TRIO: variants seen among roughly 807,000 people sequenced by gnomAD.
The protein encoded by TRIO is trio Rho guanine nucleotide exchange factor.
TRIO carries 58 observed loss-of-function variants against 351.9 expected under a neutral mutation model. That is an observed-to-expected ratio of 0.16 (90% confidence interval 0.13 to 0.21). The LOEUF (loss-of-function observed/expected upper bound fraction) is 0.21, where lower values mean the gene tolerates loss of function less well. Among genes scored for constraint, TRIO ranks in the 10% least tolerant of loss-of-function variants. TRIO has a pLI of 1.00. For synonymous variants in TRIO, 1,758 were observed against 1,595.7 expected (o/e 1.10, Z -2.42); for missense variants, 3,201 against 4,027.8 (o/e 0.79, Z 5.56).
chr5:14,259,345 T>A (rs1007234433), intron 1 of TRIO, among the ~76,000 whole-genome samples: 2 of 152,246 alleles, frequency 1.3e-5, no homozygotes, highest in Admixed American at 1.3e-4. Flanking sequence ...ACCACTCACC[T>A]TTTGTCTGTA....
At chr5:14,354,105 G>A (rs1461146789) in intron 11 of TRIO, among the ~76,000 whole-genome samples, 1 of 152,196 alleles carries the variant, frequency 6.6e-6, no homozygotes, top group African/African-American at 2.4e-5. Flanking sequence ...GCTTCGGCTG[G>A]CAGGGCTTCA....
Position 14,475,066 on chromosome 5 carries a change from G to A in TRIO, c.6083+969G>A, listed in dbSNP as rs181903252. On this transcript the variant is annotated intron_variant, in intron 40 of 56. Coordinates refer to ENST00000344204, the MANE Select transcript of TRIO (RefSeq NM_007118.4). ...TCCCCACACCTATCCTAATCAGGAG[G>A]CAATCCATCTGGGGGCTGGTGCTAC... Among the ~76,000 whole-genome samples the A allele has an allele frequency of 1.7e-3, 254 of 152,290 alleles. 4 individuals carry two copies. Among genetic ancestry groups the A allele is most frequent in the Non-Finnish European group, 2.4e-4 (16 of 68,022 alleles).
intron 4 of TRIO, among the ~76,000 whole-genome samples, chr5:14,288,397 G>C (rs972298102): frequency 6.6e-6 from 1 of 152,186 alleles, no homozygotes; most frequent in African/African-American, 2.4e-5. Flanking sequence ...GACCGGGTGT[G>C]GTGGCTCACG....
At chr5:14,300,081 A>G (rs144950635) in intron 7 of TRIO, among the ~76,000 whole-genome samples, 211 of 152,356 alleles carry the variant, frequency 1.4e-3, no homozygotes, top group Non-Finnish European at 2.6e-3. Flanking sequence ...TCCGTTTGCA[A>G]ATATGTGGAC....
At chr5:14,146,482 A>C (rs1360522795) in intron 1 of TRIO, among the ~76,000 whole-genome samples, 1 of 152,126 alleles carries the variant, frequency 6.6e-6, no homozygotes, top group South Asian at 2.1e-4. Flanking sequence ...TGTTGCCCGC[A>C]TTCGGCTTTG....
At chr5:14,345,551 G>A (rs751779036) in intron 11 of TRIO, among the ~76,000 whole-genome samples, 6 of 152,182 alleles carry the variant, frequency 3.9e-5, no homozygotes, top group South Asian at 2.1e-4. Flanking sequence ...ATTGGAAATA[G>A]GCGTACATGA....
intron 34 of TRIO, among the ~76,000 whole-genome samples, chr5:14,455,278 T>C (rs987476270): frequency 6.6e-6 from 1 of 152,210 alleles, no homozygotes; most frequent in Non-Finnish European, 1.5e-5. Context: ...TCGCCGATTT[T>C]ACAGAGAGCT....
At chr5:14,483,531 A>G (rs1461929446) in intron 46 of TRIO, among the ~76,000 whole-genome samples, 2 of 152,122 alleles carry the variant, frequency 1.3e-5, no homozygotes, top group African/African-American at 4.8e-5. Flanking sequence ...CACAGCACAC[A>G]GGCAGAACAT....
intron 37 of TRIO, among the ~76,000 whole-genome samples, chr5:14,470,297 A>C (rs16903530): frequency 0.021 from 3,222 of 152,182 alleles, 122 homozygotes; most frequent in African/African-American, 0.074. Flanking sequence ...AAAATAGAAC[A>C]AGTGTTAGAG....
At chr5:14,188,534 G>A (rs1369467908) in intron 1 of TRIO, among the ~76,000 whole-genome samples, 2 of 152,138 alleles carry the variant, frequency 1.3e-5, no homozygotes, top group South Asian at 2.1e-4. Context: ...AATTAGCCCC[G>A]TGGGTTTATT....
chr5:14,182,874 C>A (rs927055863), intron 1 of TRIO, among the ~76,000 whole-genome samples: 1 of 15,760 alleles, frequency 6.3e-5, no homozygotes, highest in East Asian at 9.6e-3. Flanking sequence ...CCCCCCCCCT[C>A]CACTTTGCCG....
chr5:14,400,229 T>A (rs547742116), intron 30 of TRIO, among the ~76,000 whole-genome samples: 2 of 152,352 alleles, frequency 1.3e-5, no homozygotes, highest in Non-Finnish European at 2.9e-5. Context: ...CTGGCTTTAA[T>A]CTCTCTTTAG....
chr5:14,384,790 T>G (rs560845736), intron 21 of TRIO, among the ~76,000 whole-genome samples: 59 of 152,178 alleles, frequency 3.9e-4, no homozygotes, highest in African/African-American at 1.3e-3. Context: ...CAAAAAAATG[T>G]AAAACTTTAC....
chr5:14,200,804 G>GT (rs1191908131), intron 1 of TRIO, among the ~76,000 whole-genome samples: 2 of 152,112 alleles, frequency 1.3e-5, no homozygotes, highest in Admixed American at 1.3e-4. Context: ...GTTGTTTAGC[G>GT]TAAGCATATA....
intron 9 of TRIO, among the ~76,000 whole-genome samples, chr5:14,324,853 G>A (rs1740223805): frequency 6.6e-6 from 1 of 152,138 alleles, no homozygotes. Context: ...TCAAATGCAT[G>A]GCTATTTCTA....
intron 23 of TRIO, 148 bp downstream of exon 23, chr5:14,387,995 C>A: frequency 1.4e-6 from 1 of 721,444 alleles, no homozygotes; most frequent in Non-Finnish European, 2.3e-6. Flanking sequence ...TCAGCACAGA[C>A]TTCGCTGCGT....
chr5:14,338,192 G>A (rs890636949), intron 11 of TRIO, among the ~76,000 whole-genome samples: 2 of 152,056 alleles, frequency 1.3e-5, no homozygotes, highest in South Asian at 4.2e-4. Flanking sequence ...CTGTGGCACC[G>A]CTACCAGAGT....
chr5:14,162,209 C>T (rs931615504), intron 1 of TRIO, among the ~76,000 whole-genome samples: 2 of 152,192 alleles, frequency 1.3e-5, no homozygotes, highest in Non-Finnish European at 2.9e-5. Context: ...TGAGGATGTG[C>T]TCCATGAAGG....
chr5:14,498,459 G>C (rs1216824991), intron 52 of TRIO, 60 bp from the exon 53 acceptor site: 1 of 1,578,096 alleles, frequency 6.3e-7, no homozygotes, highest in African/African-American at 1.3e-5. Context: ...GAGGAGGCCA[G>C]CGCTGATGGC....
Sources: allele counts gnomAD v4.1 joint callset (sites outside exome capture counted in the v4.1 genomes callset), GRCh38; gene constraint gnomAD v4.1.1; transcripts MANE v1.5; gene names NCBI Gene and HGNC (gene_info 2026-07-23, HGNC 2026-07-21).